OR52N2: variants seen among roughly 807,000 people sequenced by gnomAD.
OR52N2 encodes the protein olfactory receptor family 52 subfamily N member 2, also known as olfactory receptor 52N2.
For synonymous variants in OR52N2, 129 were observed against 72.0 expected (o/e 1.79, Z -4.01); for missense variants, 326 against 196.6 (o/e 1.66, Z -3.94).
rs1382851357 is a variant in OR52N2 at position 5,808,992 on chromosome 11, G to A, written c.-117G>A. Among the ~76,000 whole-genome samples the A allele has an allele frequency of 6.6e-6, 1 of 152,014 alleles. No homozygotes were observed. The highest frequency in any genetic ancestry group is 2.1e-4 in the South Asian group (1 of 4,818). On this transcript the variant is annotated 5_prime_UTR_variant, in exon 1 of 2. In the 5' UTR this introduces an upstream ATG that the reference lacks. Transcript: ENST00000317037. ...AGTCCGAGTTTATTCATCACAATGG[G>A]TGGGTCCCGATCTCCCCTCCCTGAG...
rs764151894 is a variant in OR52N2 at position 5,820,764 on chromosome 11, C to T, written c.429C>T (p.Ile143=). ...RYATILTNPV[I]AKAGLATFLR... Reference sequence around the variant, plus strand: ...CCACCATCCTTACCAACCCTGTCATCGCCAAGGCTGGTCTTGCCACCTTCT... The same window carrying T: ...CCACCATCCTTACCAACCCTGTCATTGCCAAGGCTGGTCTTGCCACCTTCT... The change falls in exon 2 of 2, where the codon ATC becomes ATT. Residue 143 remains isoleucine, a synonymous_variant. Coordinates refer to ENST00000317037, the MANE Select transcript of OR52N2 (RefSeq NM_001005174.3). 9.1e-6 allele frequency: 7 copies of T among 772,904 alleles called. No homozygotes were observed. The highest frequency in any genetic ancestry group is 2.4e-5 in the East Asian group (1 of 41,200). 47.9% of individuals were successfully genotyped at this position (772,904 alleles called of 1,614,324 possible). A position where few individuals can be genotyped will look rare whatever the true frequency, so the allele number is the denominator to read the frequency against.
chr11:5,812,230 C>T (rs1846367550), intron 1 of OR52N2, among the ~76,000 whole-genome samples: 4 of 151,912 alleles, frequency 2.6e-5, no homozygotes, highest in African/African-American at 9.7e-5. Context: ...CAAGGTGGCT[C>T]ACACCTGTAA....
chr11:5,819,086 C>G (rs893387722), intron 1 of OR52N2, among the ~76,000 whole-genome samples: 1 of 152,132 alleles, frequency 6.6e-6, no homozygotes, highest in Non-Finnish European at 1.5e-5. Context: ...GATTCACAAC[C>G]ATGTAATCCA....
Position 5,820,709 on chromosome 11 carries a change from A to C in OR52N2, c.374A>C (p.Tyr125Ser). The change falls in exon 2 of 2, where the codon TAT (tyrosine) becomes TCT (serine). Residue 125 changes from tyrosine to serine, a missense_variant. Transcript: ENST00000317037. ...GVLMLMALDRYVAICYPLRYA... is the reference protein window; with the variant it reads ...GVLMLMALDRSVAICYPLRYA... The stretch of plus-strand genomic sequence containing the variant: ...CTCATGCTCATGGCCCTGGACCGCT[A>C]TGTGGCCATCTGCTACCCCTTACGC... 1 of 792,268 alleles carries C rather than the reference A, an allele frequency of 1.3e-6. No homozygotes were observed. The highest frequency in any genetic ancestry group is 2.3e-6 in the Non-Finnish European group (1 of 429,284). The allele number at this position is 792,268 out of a possible 1,614,324, so 49.1% of individuals were successfully genotyped here.
chr11:5,818,945 A>T (rs1298241106), intron 1 of OR52N2, among the ~76,000 whole-genome samples: 1 of 152,186 alleles, frequency 6.6e-6, no homozygotes, highest in Non-Finnish European at 1.5e-5. Flanking sequence ...TTCAGAGATC[A>T]CGAGCTTCTG....
intron 1 of OR52N2, among the ~76,000 whole-genome samples, chr11:5,810,969 AT>A (rs869051972): frequency 1.3e-5 from 2 of 151,906 alleles, no homozygotes; most frequent in African/African-American, 2.4e-5. Flanking sequence ...GGAGATAAAA[AT>A]TTTTTTATTG....
chr11:5,819,634 A>T (rs2134243875), intron 1 of OR52N2, among the ~76,000 whole-genome samples: 1 of 152,284 alleles, frequency 6.6e-6, no homozygotes, highest in African/African-American at 2.4e-5. Context: ...GAAAAACATG[A>T]TTTTGACATC....
chr11:5,814,497 T>C (rs1422158371), intron 1 of OR52N2, among the ~76,000 whole-genome samples: 1 of 152,078 alleles, frequency 6.6e-6, no homozygotes, highest in Non-Finnish European at 1.5e-5. Flanking sequence ...TAATTTCCTT[T>C]CAGATTGTTT....
chr11:5,809,712 A>ACC (rs1181993610), intron 1 of OR52N2, among the ~76,000 whole-genome samples: 6 of 152,152 alleles, frequency 3.9e-5, no homozygotes, highest in African/African-American at 1.4e-4. Context: ...AAAAATGATT[A>ACC]CCATTGCCCA....
chr11:5,812,924 T>G (rs1846375377), intron 1 of OR52N2, among the ~76,000 whole-genome samples: 1 of 152,002 alleles, frequency 6.6e-6, no homozygotes, highest in Non-Finnish European at 1.5e-5. Context: ...AGAGGAAGTT[T>G]GAAAAATTTA....
chr11:5,812,972 A>G (rs1846376029), intron 1 of OR52N2, among the ~76,000 whole-genome samples: 2 of 152,058 alleles, frequency 1.3e-5, no homozygotes, highest in Admixed American at 6.5e-5. Flanking sequence ...AAACCAATGG[A>G]TCAAAAATTA....
At position 5,821,349 on chromosome 11, in the gene OR52N2, C is replaced by T. The variant is rs1302387414; in HGVS notation, c.*48C>T. ...TCAGGTGGTGAGAAAATAATGGAGA[C>T]AAAATTTCATAAAAGATGTGAATAA... On this transcript the variant is annotated 3_prime_UTR_variant, in exon 2 of 2. Coordinates refer to ENST00000317037, the MANE Select transcript of OR52N2 (RefSeq NM_001005174.3). The T allele has an allele frequency of 1.4e-6, 1 of 691,120 alleles. No individual in the cohort carries two copies. The highest frequency in any genetic ancestry group is 1.8e-5 in the African/African-American group (1 of 56,274). The allele number at this position is 691,120 out of a possible 1,614,324, so 42.8% of individuals were successfully genotyped here.
intron 1 of OR52N2, among the ~76,000 whole-genome samples, chr11:5,819,399 A>G (rs1846428402): frequency 6.6e-6 from 1 of 152,178 alleles, no homozygotes. Flanking sequence ...AAAGCAGTAC[A>G]AACAGTCAAT....
At chr11:5,815,064 A>G (rs1169506669) in intron 1 of OR52N2, among the ~76,000 whole-genome samples, 1 of 152,212 alleles carries the variant, frequency 6.6e-6, no homozygotes, top group Non-Finnish European at 1.5e-5. Flanking sequence ...ATGTCCAAAT[A>G]TTAACTCAAA....
In OR52N2 at chr11:5,820,953, C is replaced by G; in HGVS notation, c.618C>G (p.Leu206=). ...VNAIYGLMVA[L]LIGVFDICCI... is the part of the protein sequence containing the mutation. ...CTATTTATGGTCTGATGGTTGCTCT[C>G]CTGATTGGTGTGTTTGATATCTGCT... Residue 206 remains leucine, a synonymous_variant, in exon 2 of 2, where the codon CTC becomes CTG. Coordinates refer to ENST00000317037, the MANE Select transcript of OR52N2 (RefSeq NM_001005174.3). 1 of 781,066 alleles carries G rather than the reference C, an allele frequency of 1.3e-6. No homozygotes were observed. 48.4% of individuals were successfully genotyped at this position (781,066 alleles called of 1,614,324 possible).
In OR52N2 at chr11:5,816,036, A is replaced by G. The variant is rs1174057137; in HGVS notation, c.-54-4246A>G. ...TGACATCTGCTACCACATAGATGAAACTTAGGACATTATGCTAAATAAAAT... is the reference window on the plus strand; with the variant it reads ...TGACATCTGCTACCACATAGATGAAGCTTAGGACATTATGCTAAATAAAAT... On this transcript the variant is annotated intron_variant, in intron 1 of 1. Coordinates refer to ENST00000317037, the MANE Select transcript of OR52N2 (RefSeq NM_001005174.3). Among the ~76,000 whole-genome samples the G allele has an allele frequency of 2.0e-5, 3 of 152,316 alleles. No individual in the cohort carries two copies. In the East Asian group the frequency reaches 5.8e-4, roughly 29 times the overall value.
At chr11:5,817,698 A>G (rs1034600394) in intron 1 of OR52N2, among the ~76,000 whole-genome samples, 2 of 152,150 alleles carry the variant, frequency 1.3e-5, no homozygotes, top group Admixed American at 1.3e-4. Context: ...TATTGAAATG[A>G]TTTTTTCTAA....
chr11:5,817,877 A>G (rs1179766860), intron 1 of OR52N2, among the ~76,000 whole-genome samples: 2 of 152,186 alleles, frequency 1.3e-5, no homozygotes, highest in Admixed American at 1.3e-4. Context: ...ATTCAAGAGT[A>G]ATAAAACACA....
At chr11:5,813,042 A>T (rs1846376348) in intron 1 of OR52N2, among the ~76,000 whole-genome samples, 17 of 151,954 alleles carry the variant, frequency 1.1e-4, no homozygotes, top group Admixed American at 1.1e-3. Context: ...ACAACAAAGG[A>T]AATCTCATGA....
Sources: gnomAD v4.1 joint callset for allele counts (sites outside exome capture counted in the v4.1 genomes callset) on GRCh38, gnomAD v4.1.1 for gene constraint, MANE v1.5 for transcripts, NCBI Gene and HGNC (gene_info 2026-07-23, HGNC 2026-07-21) for gene names.